Variants in PRKCH observed in about 807,000 individuals in gnomAD.
PRKCH encodes protein kinase C eta.
In PRKCH, 28 loss-of-function variants were observed where a neutral mutation model predicts 82.5. That is an observed-to-expected ratio of 0.34 (90% CI 0.25 to 0.47). PRKCH has a LOEUF of 0.47. Among genes scored for constraint, PRKCH ranks in the 20% least tolerant of loss-of-function variants. The pLI, the probability that PRKCH is intolerant of heterozygous loss-of-function variation, is 1.00. For missense variants in PRKCH, 705 were observed against 881.8 expected (o/e 0.80, Z 2.54); for synonymous variants, 322 against 327.4 (o/e 0.98, Z 0.18).
intron 2 of PRKCH, among the ~76,000 whole-genome samples, chr14:61,428,778 A>G (rs147773952): frequency 9.3e-4 from 142 of 152,344 alleles, no homozygotes; most frequent in African/African-American, 3.2e-3. Context: ...GTGTCTATCA[A>G]TCACGGAAAG....
At chr14:61,362,480 T>G (rs1477312193) in intron 1 of PRKCH, among the ~76,000 whole-genome samples, 1 of 152,216 alleles carries the variant, frequency 6.6e-6, no homozygotes, top group African/African-American at 2.4e-5. Flanking sequence ...ATTTACTGAT[T>G]ACAGTGCAGT....
rs772164738 is a variant in PRKCH at position 61,322,459 on chromosome 14, G to A, written c.358G>A (p.Gly120Ser). 3 of 1,594,336 alleles carry A rather than the reference G, an allele frequency of 1.9e-6. No individual in the cohort carries two copies. Among genetic ancestry groups the A allele is most frequent in the Non-Finnish European group, 2.6e-6 (3 of 1,164,556 alleles). ...GACCGGCGCCTCGGACACCTTCGAG[G>A]GTTGGGTGAGTAGCGGTGACCCCTT... is the stretch of plus-strand genomic sequence containing the variant. The part of the protein sequence containing the change: ...RTTGASDTFE[G>S]WVDLEPEGKV... The change falls in exon 1 of 14, where the codon GGT becomes AGT. Residue 120 changes from glycine to serine, a missense_variant. Physicochemically the swap from Gly to Ser is moderately conservative, Grantham distance 56. This residue lies in a region of PRKCH where 246 missense variants were observed against 308.0 expected (regional missense o/e 0.80). Coordinates refer to ENST00000332981, the MANE Select transcript of PRKCH (RefSeq NM_006255.5).
At chr14:61,340,350 A>C (rs2045916026) in intron 1 of PRKCH, among the ~76,000 whole-genome samples, 1 of 114,070 alleles carries the variant, frequency 8.8e-6, no homozygotes, top group African/African-American at 3.4e-5. Flanking sequence ...AACCTAGTAA[A>C]TATTGGTGTT....
At chr14:61,214,721 C>T (rs561342380) in intron 1 of PRKCH, among the ~76,000 whole-genome samples, 4 of 152,216 alleles carry the variant, frequency 2.6e-5, no homozygotes, top group South Asian at 2.1e-4. Flanking sequence ...TTCTATCTCA[C>T]GTCCTGATAA....
intron 10 of PRKCH, among the ~76,000 whole-genome samples, chr14:61,497,773 C>G (rs985471853): frequency 1.3e-5 from 2 of 151,996 alleles, no homozygotes; most frequent in East Asian, 1.9e-4. Context: ...AGGATGGGCT[C>G]TTTAAACTGA....
At chr14:61,418,196 C>T (rs1211625971) in intron 2 of PRKCH, among the ~76,000 whole-genome samples, 1 of 152,150 alleles carries the variant, frequency 6.6e-6, no homozygotes, top group Admixed American at 6.5e-5. Context: ...TAGAGTTTTA[C>T]CAAAACTATA....
intron 10 of PRKCH, among the ~76,000 whole-genome samples, chr14:61,494,256 C>A (rs1362047819): frequency 6.6e-6 from 1 of 152,136 alleles, no homozygotes; most frequent in East Asian, 1.9e-4. Context: ...AAGGACAGAA[C>A]CCTGGGGAAC....
intron 1 of PRKCH, among the ~76,000 whole-genome samples, chr14:61,223,906 A>G (rs565541886): frequency 1.4e-4 from 21 of 152,204 alleles, no homozygotes; most frequent in Non-Finnish European, 2.4e-4. Flanking sequence ...CTCATTTAGT[A>G]TGCTAGCTAT....
At chr14:61,462,375 G>A (rs569032220) in intron 9 of PRKCH, among the ~76,000 whole-genome samples, 20 of 152,260 alleles carry the variant, frequency 1.3e-4, no homozygotes, top group African/African-American at 4.6e-4. Flanking sequence ...GGGTGACAGA[G>A]CACGACTTTT....
At chr14:61,428,032 A>AATAT (rs200826369) in intron 2 of PRKCH, among the ~76,000 whole-genome samples, 350 of 141,736 alleles carry the variant, frequency 2.5e-3, no homozygotes, top group African/African-American at 8.7e-3. Flanking sequence ...CATCTCCACA[A>AATAT]ATATATATAT....
intron 1 of PRKCH, among the ~76,000 whole-genome samples, chr14:61,286,864 A>G (rs2045320443): frequency 6.6e-6 from 1 of 152,020 alleles, no homozygotes; most frequent in African/African-American, 2.4e-5. Flanking sequence ...TGAGATGGAT[A>G]ACAGAAGGTC....
At chr14:61,401,858 T>G (rs1340321920) in intron 2 of PRKCH, among the ~76,000 whole-genome samples, 2 of 152,246 alleles carry the variant, frequency 1.3e-5, no homozygotes, top group African/African-American at 4.8e-5. Context: ...AGCCACTTTT[T>G]GCATGGAACA....
intron 2 of PRKCH, among the ~76,000 whole-genome samples, chr14:61,412,552 C>T (rs1209494988): frequency 6.6e-6 from 1 of 152,152 alleles, no homozygotes; most frequent in African/African-American, 2.4e-5. Flanking sequence ...CAGTGATGCC[C>T]AGGGGTCACT....
chr14:61,494,170 A>G (rs186628833), intron 10 of PRKCH, among the ~76,000 whole-genome samples: 351 of 152,294 alleles, frequency 2.3e-3, no homozygotes, highest in Non-Finnish European at 3.6e-3. Flanking sequence ...AGTCATCAGG[A>G]CATAGCTATT....
At chr14:61,514,450 T>C (rs1234628262) in intron 10 of PRKCH, among the ~76,000 whole-genome samples, 1 of 152,132 alleles carries the variant, frequency 6.6e-6, no homozygotes, top group Non-Finnish European at 1.5e-5. Flanking sequence ...GATTGACGCC[T>C]GGTCTGGGGT....
intron 1 of PRKCH, among the ~76,000 whole-genome samples, chr14:61,257,618 C>CAG (rs1459992630): frequency 3.9e-5 from 2 of 51,060 alleles, no homozygotes; most frequent in African/African-American, 1.3e-4. Flanking sequence ...CACACACACA[C>CAG]ACACACACAC....
chr14:61,322,729 C>G lies in PRKCH; in HGVS notation c.363+265C>G, dbSNP rs1198700606. 9.6e-6 allele frequency: 4 copies of G among 414,890 alleles called. No homozygotes were observed. In the East Asian group the frequency reaches 1.2e-4, roughly 13 times the overall value. 25.7% of individuals were successfully genotyped at this position (414,890 alleles called of 1,614,324 possible). On this transcript the variant is annotated intron_variant, in intron 1 of 13. Transcript: ENST00000332981. ...GCCTAACGGGAAGTCGGGCAGGGGT[C>G]CAGGGCGGTCACCCTTTCCGCCCAG...
Position 61,370,892 on chromosome 14 carries a change from G to A in PRKCH, c.364-20333G>A, listed in dbSNP as rs1057072272. ...ACCAAACACTGCAGTATGGAAACTA[G>A]CGCAAAATGGGATGTGCTGTGACAC... On this transcript the variant is annotated intron_variant, in intron 1 of 13. Coordinates refer to ENST00000332981, the MANE Select transcript of PRKCH (RefSeq NM_006255.5). Among the ~76,000 whole-genome samples, 7 of 152,040 alleles carry A rather than the reference G, an allele frequency of 4.6e-5. 1 individual carries two copies. Among genetic ancestry groups the A allele is most frequent in the African/African-American group, 1.5e-4 (6 of 41,298 alleles).
intron 1 of PRKCH, among the ~76,000 whole-genome samples, chr14:61,335,277 C>G (rs916512407): frequency 6.6e-5 from 10 of 151,914 alleles, no homozygotes; most frequent in Non-Finnish European, 1.3e-4. Context: ...ATCTCTACCC[C>G]CTTCAGTAAC....
Sources: allele counts gnomAD v4.1 joint callset (sites outside exome capture counted in the v4.1 genomes callset), GRCh38; gene constraint gnomAD v4.1.1; regional missense constraint gnomAD v4.1.1; transcripts MANE v1.5; gene names NCBI Gene and HGNC (gene_info 2026-07-23, HGNC 2026-07-21).